The following SFXN5 variants were observed in gnomAD, a reference collection of about 807,000 sequenced individuals.
SFXN5 encodes the protein sideroflexin 5.
In SFXN5, 43 loss-of-function variants were observed where a neutral mutation model predicts 50.2. The ratio of observed to expected loss-of-function variants is 0.86; its 90% CI spans 0.67 to 1.11. The LOEUF (loss-of-function observed/expected upper bound fraction) is 1.11, where lower values mean the gene tolerates loss of function less well. SFXN5 is among the 50% of genes least tolerant of loss of function. The probability of loss-of-function intolerance (pLI) is 0.00; values close to 1 mark genes in which losing one functional copy is unlikely to be tolerated. For synonymous variants in SFXN5, 203 were observed against 185.8 expected (o/e 1.09, Z -0.75); for missense variants, 463 against 454.1 (o/e 1.02, Z -0.18).
chr2:72,953,165 T>C lies in SFXN5; in HGVS notation c.945+7966A>G, dbSNP rs1672724194. 6.6e-6 allele frequency among the ~76,000 whole-genome samples: 1 copy of C among 152,072 alleles called. No homozygotes were observed. Among genetic ancestry groups the C allele is most frequent in the Non-Finnish European group, 1.5e-5 (1 of 68,024 alleles). On this transcript the variant is annotated intron_variant, in intron 13 of 13. Coordinates refer to ENST00000272433, the MANE Select transcript of SFXN5 (RefSeq NM_144579.3). This position sits in a 1 kb window ranked among gnomAD's most constrained non-coding sequence, Gnocchi z 4.1. ...GGAACAGGCAAAATGACAGGTGGCGTTGGCGTTCCTGGGCTCTGAGCGGCT... is the reference window on the plus strand; with the variant it reads ...GGAACAGGCAAAATGACAGGTGGCGCTGGCGTTCCTGGGCTCTGAGCGGCT...
chr2:73,038,124 T>C (rs566590622), intron 3 of SFXN5, among the ~76,000 whole-genome samples: 1 of 152,336 alleles, frequency 6.6e-6, no homozygotes, highest in Non-Finnish European at 1.5e-5. Flanking sequence ...CAAACCTAGA[T>C]GGGCAAGCCT....
chr2:72,983,946 A>G (rs541055765), intron 10 of SFXN5, among the ~76,000 whole-genome samples: 1 of 152,270 alleles, frequency 6.6e-6, no homozygotes, highest in East Asian at 1.9e-4. Flanking sequence ...ACCTTTAATT[A>G]CACTGTTTGC....
At chr2:72,959,768 G>A (rs976054229) in intron 13 of SFXN5, among the ~76,000 whole-genome samples, 2 of 151,970 alleles carry the variant, frequency 1.3e-5, no homozygotes, top group South Asian at 2.1e-4. Flanking sequence ...ATCTCTCCTG[G>A]TGCCTTCTCT....
At chr2:72,985,051 C>T (rs781162611) in intron 10 of SFXN5, among the ~76,000 whole-genome samples, 3 of 152,114 alleles carry the variant, frequency 2.0e-5, no homozygotes, top group Admixed American at 2.0e-4. Context: ...CTCTTCAGGA[C>T]CCCCATCACC....
At chr2:73,069,347 A>G (rs761158119) in intron 1 of SFXN5, among the ~76,000 whole-genome samples, 1 of 152,082 alleles carries the variant, frequency 6.6e-6, no homozygotes, top group Non-Finnish European at 1.5e-5. Context: ...TGGACTTGAG[A>G]GCTGTGTAAG....
intron 3 of SFXN5, among the ~76,000 whole-genome samples, chr2:73,031,051 G>A (rs368181871): frequency 6.6e-6 from 1 of 152,084 alleles, no homozygotes; most frequent in East Asian, 1.9e-4. Flanking sequence ...AATAGAAGAT[G>A]CACAAATTCC....
At chr2:73,037,650 C>T (rs527760086) in intron 3 of SFXN5, among the ~76,000 whole-genome samples, 1 of 151,928 alleles carries the variant, frequency 6.6e-6, no homozygotes, top group African/African-American at 2.4e-5. Flanking sequence ...GAAAACAGAC[C>T]GCAAAGAATC....
intron 12 of SFXN5, among the ~76,000 whole-genome samples, chr2:72,967,707 T>C (rs1370046111): frequency 1.3e-5 from 2 of 152,238 alleles, no homozygotes; most frequent in East Asian, 3.9e-4. Flanking sequence ...CACTGTCAAC[T>C]GACAAGCCAG....
At chr2:73,047,773 C>T (rs1402977497) in intron 2 of SFXN5, among the ~76,000 whole-genome samples, 2 of 152,068 alleles carry the variant, frequency 1.3e-5, no homozygotes, top group African/African-American at 4.8e-5. Context: ...TGAGTATGTC[C>T]TTATTAGCAG....
At position 73,025,134 on chromosome 2, in the gene SFXN5, G is replaced by A. The variant is rs1574151628; in HGVS notation, c.250-1920C>T. ...TAAGTGAGGGCCTAACAGCAAAGAG[G>A]TTATTTAAAAACAACAACAACAACA... On this transcript the variant is annotated intron_variant, in intron 3 of 13. Transcript: ENST00000272433. 2.6e-5 allele frequency among the ~76,000 whole-genome samples: 4 copies of A among 151,824 alleles called. No individual in the cohort carries two copies. In the South Asian group the frequency reaches 8.3e-4, roughly 32 times the overall value.
intron 6 of SFXN5, among the ~76,000 whole-genome samples, chr2:73,012,902 T>C (rs1306628381): frequency 3.9e-5 from 6 of 152,132 alleles, no homozygotes. Flanking sequence ...TATTTGACTC[T>C]TGATTATAAA....
intron 3 of SFXN5, among the ~76,000 whole-genome samples, chr2:73,025,965 A>T (rs1677493349): frequency 6.6e-6 from 1 of 152,158 alleles, no homozygotes; most frequent in Non-Finnish European, 1.5e-5. Flanking sequence ...GTCTGCATCC[A>T]GCTCTGAGGA....
chr2:73,033,683 G>A (rs940017695), intron 3 of SFXN5, among the ~76,000 whole-genome samples: 1 of 152,234 alleles, frequency 6.6e-6, no homozygotes, highest in Non-Finnish European at 1.5e-5. Context: ...AAATAGGGGA[G>A]AGCAGTAGGA....
intron 10 of SFXN5, among the ~76,000 whole-genome samples, chr2:72,986,420 C>A (rs1671931634): frequency 6.6e-6 from 1 of 152,088 alleles, no homozygotes. Context: ...GTACTGGTAC[C>A]CGCCTTTTAC....
At position 73,000,525 on chromosome 2, in the gene SFXN5, G is replaced by T. The variant is rs201307864; in HGVS notation, c.412-38C>A. ...GATGAGAGAAGTCAGGGAAGGAGTGGTCACCTCCCTGGAAGCCAGGCCTGG... is the reference window on the plus strand; with the variant it reads ...GATGAGAGAAGTCAGGGAAGGAGTGTTCACCTCCCTGGAAGCCAGGCCTGG... On this transcript the variant is annotated intron_variant, in intron 7 of 13. Transcript: ENST00000272433. 46 of 1,547,208 alleles carry T rather than the reference G, an allele frequency of 3.0e-5. No homozygotes were observed. The East Asian group carries it at 1.1e-3, about 37-fold the overall frequency.
At chr2:73,046,270 A>G (rs1680307681) in intron 2 of SFXN5, among the ~76,000 whole-genome samples, 2 of 152,014 alleles carry the variant, frequency 1.3e-5, no homozygotes. Context: ...TTAGCCGGGC[A>G]TGGTGGCACA....
rs759334127 is a variant in SFXN5, at chr2:73,026,126, C to CTT, written c.250-2914_250-2913dup. On this transcript the variant is annotated intron_variant, in intron 3 of 13. Transcript: ENST00000272433. ...CCAGTGGTCTAATGCTGTGTGGCTG[C>CTT]TTTTTTTTTTTCTTTTTTTGAGACA... Among the ~76,000 whole-genome samples the CTT allele has an allele frequency of 7.5e-5, 10 of 133,752 alleles. 2 individuals carry two copies. The highest frequency in any genetic ancestry group is 2.4e-4 in the African/African-American group (8 of 32,678). 87.7% of individuals were successfully genotyped at this position (133,752 alleles called of 152,430 possible).
At chr2:73,023,869 G>A (rs527606284) in intron 3 of SFXN5, among the ~76,000 whole-genome samples, 1 of 152,296 alleles carries the variant, frequency 6.6e-6, no homozygotes, top group South Asian at 2.1e-4. Flanking sequence ...ATGCTGATGA[G>A]GCTGTCTCTT....
At chr2:73,064,173 A>G (rs1333604180) in intron 1 of SFXN5, among the ~76,000 whole-genome samples, 2 of 152,222 alleles carry the variant, frequency 1.3e-5, no homozygotes, top group Admixed American at 1.3e-4. Flanking sequence ...AAGATCCCAG[A>G]AGAAGCTGAC....
Sources: allele counts gnomAD v4.1 joint callset (sites outside exome capture counted in the v4.1 genomes callset), GRCh38; gene constraint gnomAD v4.1.1; non-coding constraint Gnocchi (gnomAD v3.1); transcripts MANE v1.5; gene names NCBI Gene and HGNC (gene_info 2026-07-23, HGNC 2026-07-21).